Variants in LRRC4C observed in about 807,000 individuals in gnomAD.
LRRC4C encodes the protein leucine-rich repeat-containing protein 4C.
In LRRC4C, 5 loss-of-function variants were observed where a neutral mutation model predicts 33.6. That is an observed-to-expected ratio of 0.15 (90% CI 0.08 to 0.31). The LOEUF is 0.31. Among genes scored for constraint, LRRC4C ranks in the 10% least tolerant of loss-of-function variants. LRRC4C has a pLI of 1.00. For missense variants in LRRC4C, 560 were observed against 796.7 expected (o/e 0.70, Z 3.58); for synonymous variants, 329 against 302.0 (o/e 1.09, Z -0.93).
At chr11:41,266,346 A>G (rs1220405202) in intron 1 of LRRC4C, among the ~76,000 whole-genome samples, 1 of 152,134 alleles carries the variant, frequency 6.6e-6, no homozygotes, top group Non-Finnish European at 1.5e-5. Flanking sequence ...GCGAAATTTG[A>G]GAATAAGAAA....
intron 1 of LRRC4C, among the ~76,000 whole-genome samples, chr11:41,361,141 G>T (rs1952340997): frequency 6.6e-6 from 1 of 152,130 alleles, no homozygotes; most frequent in African/African-American, 2.4e-5. Flanking sequence ...CATACACCAG[G>T]CATGAGTGGA....
chr11:41,053,376 A>T (rs1433001039), intron 1 of LRRC4C, among the ~76,000 whole-genome samples: 1 of 152,194 alleles, frequency 6.6e-6, no homozygotes. Flanking sequence ...TAATACCCTC[A>T]TCATTACAGG....
intron 1 of LRRC4C, among the ~76,000 whole-genome samples, chr11:41,437,496 C>T (rs1955471942): frequency 6.6e-6 from 1 of 151,910 alleles, no homozygotes; most frequent in Non-Finnish European, 1.5e-5. Flanking sequence ...GGATTTAGTG[C>T]TTCAAAGATA....
intron 1 of LRRC4C, among the ~76,000 whole-genome samples, chr11:41,080,466 C>T (rs768211720): frequency 1.3e-5 from 2 of 151,672 alleles, no homozygotes; most frequent in Non-Finnish European, 2.9e-5. Flanking sequence ...ATTCTCCTAC[C>T]TCAGCCTCCT....
chr11:40,493,461 A>C (rs1229159013), intron 3 of LRRC4C, among the ~76,000 whole-genome samples: 1 of 152,236 alleles, frequency 6.6e-6, no homozygotes, highest in Middle Eastern at 3.4e-3. Flanking sequence ...GAACACAAAA[A>C]TAGAATGAAA....
Position 40,157,814 on chromosome 11 carries a change from C to T in LRRC4C, c.-95-16961G>A, listed in dbSNP as rs549651792. On this transcript the variant is annotated intron_variant, in intron 5 of 6. Coordinates refer to ENST00000528697, the MANE Select transcript of LRRC4C (RefSeq NM_001258419.2). ...AACACTTCTACACTGCTGGAGGGAA[C>T]GTGAACTAGTACAGCCACTATGGAA... Among the ~76,000 whole-genome samples the T allele has an allele frequency of 8.5e-5, 13 of 152,050 alleles. No homozygotes were observed. In the South Asian group the frequency reaches 2.5e-3, roughly 29 times the overall value.
rs545779289 is a variant in LRRC4C at position 40,456,013 on chromosome 11, G to A, written c.-269-136292C>T. On this transcript the variant is annotated intron_variant, in intron 3 of 6. Coordinates refer to ENST00000528697, the MANE Select transcript of LRRC4C (RefSeq NM_001258419.2). Reference sequence around the variant, plus strand: ...ATTCCATGTTCTCAATACCTAACTAGAAACTCTTGAGACCTACATCTTTTG... The same window carrying A: ...ATTCCATGTTCTCAATACCTAACTAAAAACTCTTGAGACCTACATCTTTTG... Among the ~76,000 whole-genome samples the A allele has an allele frequency of 2.0e-5, 3 of 152,216 alleles. No homozygotes were observed. The South Asian group carries it at 6.2e-4, about 32-fold the overall frequency.
chr11:40,272,478 A>T (rs1005174226), intron 4 of LRRC4C, among the ~76,000 whole-genome samples: 5 of 152,128 alleles, frequency 3.3e-5, no homozygotes, highest in African/African-American at 9.7e-5. Context: ...AGAATCATCT[A>T]TTCTTTAACC....
At chr11:40,159,547 G>T (rs1007044671) in intron 5 of LRRC4C, among the ~76,000 whole-genome samples, 3 of 152,134 alleles carry the variant, frequency 2.0e-5, no homozygotes, top group African/African-American at 7.2e-5. Context: ...CTTACTAAGG[G>T]AGGACGAGCT....
chr11:41,266,576 GAC>G lies in LRRC4C; in HGVS notation c.-496+192853_-496+192854del, dbSNP rs1411345290. Among the ~76,000 whole-genome samples the G allele has an allele frequency of 4.6e-5, 7 of 152,210 alleles. No individual in the cohort carries two copies. In the South Asian group the frequency reaches 8.3e-4, roughly 18 times the overall value. ...GAGCAATTGAAATGAGAGGAAAAGA[GAC>G]AAAATTAAAGAGAATGAAATGTGAT... On this transcript the variant is annotated intron_variant, in intron 1 of 6. Transcript: ENST00000528697.
chr11:40,253,678 A>G (rs1440013205), intron 4 of LRRC4C, among the ~76,000 whole-genome samples: 1 of 152,218 alleles, frequency 6.6e-6, no homozygotes, highest in Non-Finnish European at 1.5e-5. Context: ...TTAACCCTCC[A>G]GATGCACTGC....
chr11:41,420,288 A>G (rs1033328916), intron 1 of LRRC4C, among the ~76,000 whole-genome samples: 3 of 152,012 alleles, frequency 2.0e-5, no homozygotes, highest in Non-Finnish European at 4.4e-5. Context: ...GAGGAAAAGC[A>G]GTTCACAGGA....
rs141819639 is a variant in LRRC4C at position 40,425,045 on chromosome 11, C to G, written c.-269-105324G>C. Reference sequence around the variant, plus strand: ...ACAGAATTCATTCTCCAAATGCTACCGAGGTGTACAAAACCTCCAGCTCAT... The same window carrying G: ...ACAGAATTCATTCTCCAAATGCTACGGAGGTGTACAAAACCTCCAGCTCAT... On this transcript the variant is annotated intron_variant, in intron 3 of 6. Coordinates refer to ENST00000528697, the MANE Select transcript of LRRC4C (RefSeq NM_001258419.2). Among the ~76,000 whole-genome samples, 182 of 152,020 alleles carry G rather than the reference C, an allele frequency of 1.2e-3. 4 individuals are homozygous for G. In the East Asian group the frequency reaches 0.029, roughly 24 times the overall value.
At chr11:40,650,713 AC>A in intron 2 of LRRC4C, among the ~76,000 whole-genome samples, 1 of 152,180 alleles carries the variant, frequency 6.6e-6, no homozygotes. Context: ...ACTAAGTTTA[AC>A]AAAAATAACT....
intron 1 of LRRC4C, among the ~76,000 whole-genome samples, chr11:41,372,868 T>A (rs993822449): frequency 6.6e-5 from 10 of 152,132 alleles, no homozygotes; most frequent in African/African-American, 2.4e-4. Context: ...TCTCCCTAAT[T>A]TTTTTATTCT....
chr11:40,449,656 T>C (rs1951799760), intron 3 of LRRC4C, among the ~76,000 whole-genome samples: 3 of 152,162 alleles, frequency 2.0e-5, no homozygotes, highest in Admixed American at 6.5e-5. Context: ...CCTGCTTCCA[T>C]GAACGCATAC....
chr11:40,142,036 ACT>A (rs1857401451), intron 5 of LRRC4C, among the ~76,000 whole-genome samples: 1 of 151,112 alleles, frequency 6.6e-6, no homozygotes, highest in Admixed American at 6.6e-5. Flanking sequence ...TAATCCCAGC[ACT>A]CTCGGAGGCC....
At chr11:40,960,750 GT>G (rs1188436785) in intron 1 of LRRC4C, among the ~76,000 whole-genome samples, 1 of 151,666 alleles carries the variant, frequency 6.6e-6, no homozygotes, top group Non-Finnish European at 1.5e-5. Flanking sequence ...AAACTTGGCT[GT>G]TTATTCCAAA....
intron 2 of LRRC4C, among the ~76,000 whole-genome samples, chr11:40,794,214 T>A (rs1360719732): frequency 2.0e-5 from 3 of 152,058 alleles, no homozygotes; most frequent in African/African-American, 7.2e-5. Flanking sequence ...GAATCTTCTA[T>A]TAGTTGAATG....
Sources: gnomAD v4.1 joint callset for allele counts (sites outside exome capture counted in the v4.1 genomes callset) on GRCh38, gnomAD v4.1.1 for gene constraint, MANE v1.5 for transcripts, NCBI Gene and HGNC (gene_info 2026-07-23, HGNC 2026-07-21) for gene names.